Variants in CFAP52 observed in about 807,000 individuals in gnomAD.
CFAP52 encodes cilia and flagella associated protein 52, also known as cilia- and flagella-associated protein 52.
CFAP52 carries 57 observed loss-of-function variants against 70.5 expected under a neutral mutation model. The observed-to-expected ratio is 0.81, with a 90% confidence interval of 0.65 to 1.01. The LOEUF (loss-of-function observed/expected upper bound fraction) is 1.01. Among genes scored for constraint, CFAP52 ranks in the 50% least tolerant of loss-of-function variants. CFAP52 has a pLI of 0.00. For synonymous variants in CFAP52, 267 were observed against 292.5 expected, an observed-to-expected ratio of 0.91 and a Z score of 0.89; for missense variants, 785 against 788.5, an observed-to-expected ratio of 1.00 and a Z score of 0.05.
chr17:9,585,118 A>G (rs1041300347), intron 1 of CFAP52, among the ~76,000 whole-genome samples: 2 of 152,224 alleles, frequency 1.3e-5, no homozygotes, highest in African/African-American at 4.8e-5. Flanking sequence ...CTCACACTCC[A>G]TGCATTCGTG....
intron 4 of CFAP52, among the ~76,000 whole-genome samples, chr17:9,595,063 G>T (rs1466105965): frequency 6.6e-6 from 1 of 151,956 alleles, no homozygotes. Flanking sequence ...GCTAATTTTT[G>T]TATTTTTAAT....
chr17:9,631,030 G>GAAAGAAAGAAAGAAAGAA, intron 9 of CFAP52, among the ~76,000 whole-genome samples: 1 of 59,658 alleles, frequency 1.7e-5, no homozygotes. Context: ...AAGAAAGAAA[G>GAAAGAAAGAAAGAAAGAA]AGAGAGAGAG....
intron 8 of CFAP52, among the ~76,000 whole-genome samples, chr17:9,621,929 C>T (rs1026151954): frequency 6.7e-6 from 1 of 149,828 alleles, no homozygotes; most frequent in South Asian, 2.1e-4. Flanking sequence ...GGGTGCAGCG[C>T]ACCAGCATGG....
At chr17:9,599,083 A>G (rs1909152071) in intron 5 of CFAP52, among the ~76,000 whole-genome samples, 1 of 152,208 alleles carries the variant, frequency 6.6e-6, no homozygotes, top group South Asian at 2.1e-4. Context: ...TTCAGGTTGC[A>G]TATTCCTTAT....
At chr17:9,600,553 C>CTTTGTTTG (rs748312304) in intron 6 of CFAP52, among the ~76,000 whole-genome samples, 1 of 151,886 alleles carries the variant, frequency 6.6e-6, no homozygotes, top group Non-Finnish European at 1.5e-5. Flanking sequence ...AAAGCACACA[C>CTTTGTTTG]TTTGTTTGTT....
chr17:9,595,884 A>G (rs1445988266), intron 4 of CFAP52, among the ~76,000 whole-genome samples: 1 of 151,174 alleles, frequency 6.6e-6, no homozygotes, highest in Non-Finnish European at 1.5e-5. Context: ...AGACCATGAA[A>G]AAGCTCTTTG....
chr17:9,644,040 T>C (rs1474184440), downstream of CFAP52, among the ~76,000 whole-genome samples: 1 of 152,208 alleles, frequency 6.6e-6, no homozygotes, highest in Non-Finnish European at 1.5e-5. Flanking sequence ...TATTTATCCT[T>C]TAAGTAAGGC....
chr17:9,610,150 G>A (rs899449060), intron 7 of CFAP52: 10 of 151,946 alleles, frequency 6.6e-5, no homozygotes, highest in Admixed American at 5.2e-4. Context: ...GGAGAGGAAA[G>A]AAATAACATC....
chr17:9,643,559 C>T (rs1001142458), downstream of CFAP52: 54 of 160,206 alleles, frequency 3.4e-4, no homozygotes, highest in Non-Finnish European at 8.1e-5. Flanking sequence ...GGTGAATTTC[C>T]TTCTTAATTG....
intron 9 of CFAP52, 128 bp from the exon 10 acceptor site, chr17:9,632,760 T>A: frequency 7.4e-7 from 1 of 1,348,832 alleles, no homozygotes. Flanking sequence ...AGCATTCAGC[T>A]GAGCTGGTCT....
chr17:9,628,565 C>T (rs148803926), intron 8 of CFAP52, 107 bp from the exon 9 acceptor site: 8 of 1,452,274 alleles, frequency 5.5e-6, no homozygotes, highest in East Asian at 2.5e-5. Context: ...GTTTGAGCCA[C>T]CGCGCCCAGC....
intron 1 of CFAP52, among the ~76,000 whole-genome samples, chr17:9,577,143 C>T (rs2151922745): frequency 6.6e-6 from 1 of 152,334 alleles, no homozygotes; most frequent in South Asian, 2.1e-4. Context: ...TCCTTCGTAA[C>T]CACACAGAAG....
chr17:9,589,665 G>A (rs1236066474), intron 3 of CFAP52, among the ~76,000 whole-genome samples: 7 of 151,696 alleles, frequency 4.6e-5, no homozygotes, highest in Non-Finnish European at 5.9e-5. Context: ...CCTGGGAGGC[G>A]GAGGTTGCAG....
intron 3 of CFAP52, among the ~76,000 whole-genome samples, chr17:9,591,226 G>T (rs55966625): frequency 0.01 from 4 of 384 alleles, no homozygotes; most frequent in Non-Finnish European, 0.25. Flanking sequence ...TAGTAGAGAC[G>T]GGGGTCTCTT....
At position 9,630,583 on chromosome 17, in the gene CFAP52, C is replaced by T. The variant is rs543830976; in HGVS notation, c.1174+1763C>T. 1.5e-4 allele frequency among the ~76,000 whole-genome samples: 23 copies of T among 150,426 alleles called. No homozygotes were observed. The South Asian group carries it at 3.6e-3, about 23-fold the overall frequency. On this transcript the variant is annotated intron_variant, in intron 9 of 13. Transcript: ENST00000352665. ...TAGCTGGGACTACAGGCGCCCGCTA[C>T]CACGCCCGGCTAATTTTTCTGTATG...
At position 9,628,854 on chromosome 17, in the gene CFAP52, T is replaced by A. The variant is rs369013852; in HGVS notation, c.1174+34T>A. On this transcript the variant is annotated intron_variant, in intron 9 of 13. Transcript: ENST00000352665. ...CACATGTCAAGATCTGGCTTGGGGCTCTAGCTGCGGTTTTGATTCTTGTCA... is the reference window on the plus strand; with the variant it reads ...CACATGTCAAGATCTGGCTTGGGGCACTAGCTGCGGTTTTGATTCTTGTCA... 13 of 1,612,706 alleles carry A rather than the reference T, an allele frequency of 8.1e-6. No homozygotes were observed. In the African/African-American group the frequency reaches 1.5e-4, roughly 18 times the overall value.
chr17:9,631,086 A>AAGAAAG (rs1910515994), intron 9 of CFAP52, among the ~76,000 whole-genome samples: 13 of 138,026 alleles, frequency 9.4e-5, no homozygotes, highest in Admixed American at 6.2e-4. Flanking sequence ...AAGAAAGAGA[A>AAGAAAG]AGAAAGAAAG....
At chr17:9,628,974 T>C (rs139863455) in intron 9 of CFAP52, among the ~76,000 whole-genome samples, 154 bp downstream of exon 9, 309 of 152,256 alleles carry the variant, frequency 2.0e-3, no homozygotes, top group Non-Finnish European at 3.7e-3. Context: ...CTCTTTGGAG[T>C]TTCCTTCCAG....
At chr17:9,645,529 C>T (rs1911304266), downstream of CFAP52, 1 of 1,069,222 alleles carries the variant, frequency 9.4e-7, no homozygotes, top group Non-Finnish European at 1.2e-6. This position sits in a 1 kb window ranked among gnomAD's most constrained non-coding sequence, Gnocchi z 6.8. Context: ...ACCTGGCCCG[C>T]AGGTAGCCGG....
Sources: allele counts gnomAD v4.1 joint callset (sites outside exome capture counted in the v4.1 genomes callset), GRCh38; gene constraint gnomAD v4.1.1; non-coding constraint Gnocchi (gnomAD v3.1); transcripts MANE v1.5; gene names NCBI Gene and HGNC (gene_info 2026-07-23, HGNC 2026-07-21).